AGBL1: variants seen among roughly 807,000 people sequenced by gnomAD.
AGBL1 encodes AGBL carboxypeptidase 1.
Under a neutral mutation model 118.9 loss-of-function variants are expected in AGBL1, and 130 were observed. The observed-to-expected ratio is 1.09, with a 90% CI of 0.95 to 1.26. The LOEUF (loss-of-function observed/expected upper bound fraction) is 1.26, where lower values mean the gene tolerates loss of function less well. Ranked by LOEUF, AGBL1 falls within the 50% of genes most tolerant of loss-of-function variation. The pLI is 0.00. For synonymous variants in AGBL1, 555 were observed against 478.9 expected, an observed-to-expected ratio of 1.16 and a Z score of -2.08; for missense variants, 1,584 against 1,298.1, an observed-to-expected ratio of 1.22 and a Z score of -3.38.
intron 5 of AGBL1, among the ~76,000 whole-genome samples, chr15:86,188,613 A>G (rs1229053086): frequency 6.6e-6 from 1 of 152,212 alleles, no homozygotes; most frequent in Non-Finnish European, 1.5e-5. Flanking sequence ...TGATTTGCTT[A>G]CTTGTGGATC....
chr15:86,347,546 A>G (rs1049678582), intron 17 of AGBL1, among the ~76,000 whole-genome samples: 5 of 152,264 alleles, frequency 3.3e-5, no homozygotes, highest in Admixed American at 1.3e-4. Flanking sequence ...AGCCACAGCT[A>G]TAATTGCTCA....
chr15:86,096,972 C>T (rs1022146743), intron 1 of AGBL1, among the ~76,000 whole-genome samples: 5 of 152,060 alleles, frequency 3.3e-5, no homozygotes, highest in African/African-American at 9.7e-5. Flanking sequence ...ATAGGAGGGA[C>T]CTAAAACATT....
At chr15:86,196,690 A>T (rs2077808019) in intron 5 of AGBL1, among the ~76,000 whole-genome samples, 1 of 152,124 alleles carries the variant, frequency 6.6e-6, no homozygotes, top group Non-Finnish European at 1.5e-5. Flanking sequence ...CCAAGTACAT[A>T]TGTTGAAGCC....
chr15:86,752,788 C>G (rs183920091), intron 22 of AGBL1, among the ~76,000 whole-genome samples: 1 of 152,168 alleles, frequency 6.6e-6, no homozygotes, highest in Admixed American at 6.5e-5. Flanking sequence ...TGTGACCAAA[C>G]CTTTTTGTTT....
At chr15:86,645,721 G>C (rs1392022222) in intron 21 of AGBL1, among the ~76,000 whole-genome samples, 2 of 152,178 alleles carry the variant, frequency 1.3e-5, no homozygotes, top group Non-Finnish European at 2.9e-5. Flanking sequence ...GAAATGTCAA[G>C]GAGGTCAAGT....
At chr15:87,013,029 T>C (rs1030364189) in intron 24 of AGBL1, among the ~76,000 whole-genome samples, 1 of 152,220 alleles carries the variant, frequency 6.6e-6, no homozygotes, top group South Asian at 2.1e-4. Context: ...TACTGATATC[T>C]ACACTTCATA....
intron 4 of AGBL1, among the ~76,000 whole-genome samples, chr15:86,156,264 G>A (rs575910004): frequency 1.4e-4 from 21 of 152,178 alleles, no homozygotes; most frequent in African/African-American, 3.4e-4. Context: ...TCAGGATGTC[G>A]GCAGATTTGG....
chr15:86,709,244 C>T (rs2086510929), intron 22 of AGBL1, among the ~76,000 whole-genome samples: 1 of 152,114 alleles, frequency 6.6e-6, no homozygotes, highest in Non-Finnish European at 1.5e-5. Flanking sequence ...CTATAGTGAC[C>T]TCCTACTTAA....
At chr15:86,400,809 GATAT>G (rs138525923) in intron 18 of AGBL1, among the ~76,000 whole-genome samples, 1 of 150,476 alleles carries the variant, frequency 6.6e-6, no homozygotes, top group African/African-American at 2.4e-5. Flanking sequence ...ATGCCATGCT[GATAT>G]ATATATATAT....
At chr15:86,984,140 A>C (rs2081257494) in intron 23 of AGBL1, among the ~76,000 whole-genome samples, 1 of 152,118 alleles carries the variant, frequency 6.6e-6, no homozygotes, top group Admixed American at 6.6e-5. Context: ...TTCCCACCAG[A>C]AATGTAGGGA....
At chr15:86,750,062 T>C (rs144723769) in intron 22 of AGBL1, among the ~76,000 whole-genome samples, 44 of 152,258 alleles carry the variant, frequency 2.9e-4, no homozygotes, top group African/African-American at 1.0e-3. Flanking sequence ...TTTCTATTAA[T>C]TGGAATAATT....
intron 17 of AGBL1, among the ~76,000 whole-genome samples, chr15:86,359,884 A>C (rs1939361269): frequency 1.3e-5 from 2 of 151,836 alleles, no homozygotes; most frequent in Admixed American, 1.3e-4. Flanking sequence ...GAGAAGTGTG[A>C]CTAATATTTT....
At chr15:86,624,036 G>C (rs1211699119) in intron 21 of AGBL1, among the ~76,000 whole-genome samples, 5 of 152,204 alleles carry the variant, frequency 3.3e-5, no homozygotes, top group African/African-American at 4.8e-5. Context: ...AAAGAATAGA[G>C]ATTGAGAGGA....
chr15:86,187,589 A>G (rs928583455), intron 5 of AGBL1, among the ~76,000 whole-genome samples: 5 of 152,184 alleles, frequency 3.3e-5, no homozygotes, highest in South Asian at 2.1e-4. Flanking sequence ...TGCTTGTCCT[A>G]TGGAGCTGTG....
At chr15:86,323,040 C>T (rs1194573767) in intron 17 of AGBL1, among the ~76,000 whole-genome samples, 1 of 152,104 alleles carries the variant, frequency 6.6e-6, no homozygotes, top group East Asian at 1.9e-4. Flanking sequence ...CTCAAAATCT[C>T]TAGGGGTTGG....
At chr15:86,278,219 T>A (rs1567173820) in intron 15 of AGBL1, among the ~76,000 whole-genome samples, 1 of 152,192 alleles carries the variant, frequency 6.6e-6, no homozygotes, top group Admixed American at 6.5e-5. Flanking sequence ...TATTTTAAAA[T>A]TTCTATTTCT....
At chr15:86,549,615 A>C (rs2083636193) in intron 20 of AGBL1, among the ~76,000 whole-genome samples, 1 of 152,124 alleles carries the variant, frequency 6.6e-6, no homozygotes, top group South Asian at 2.1e-4. Flanking sequence ...TTTGTGAAGA[A>C]TCAAGAATGT....
intron 5 of AGBL1, among the ~76,000 whole-genome samples, chr15:86,223,733 T>C (rs541214341): frequency 1.3e-5 from 2 of 152,352 alleles, no homozygotes; most frequent in East Asian, 3.9e-4. Context: ...TTTCAGGCTT[T>C]TGCTCTTGTG....
rs142968244 is a variant in AGBL1, at chr15:86,474,498, C to T, written c.2556-48312C>T. On this transcript the variant is annotated intron_variant, in intron 18 of 22. Transcript: ENST00000614907. ...CATTGCCAGCACAGCAGTCTGAGAT[C>T]GAACTGCAAGGCGGCAGCAAGCCTG... 3.5e-3 allele frequency among the ~76,000 whole-genome samples: 536 copies of T among 152,324 alleles called. 6 individuals carry two copies. Among genetic ancestry groups the T allele is most frequent in the African/African-American group, 0.012 (507 of 41,580 alleles).
Sources: gnomAD v4.1 joint callset for allele counts (sites outside exome capture counted in the v4.1 genomes callset) on GRCh38, gnomAD v4.1.1 for gene constraint, MANE v1.5 for transcripts, NCBI Gene and HGNC (gene_info 2026-07-23, HGNC 2026-07-21) for gene names.